Variants in LRP12 observed in about 807,000 individuals in gnomAD.
LRP12 encodes the protein LDL receptor related protein 12, also known as low-density lipoprotein receptor-related protein 12.
LRP12 carries 14 observed loss-of-function variants against 66.0 expected under a neutral mutation model. The observed-to-expected ratio is 0.21, with a 90% CI of 0.14 to 0.33. The LOEUF (loss-of-function observed/expected upper bound fraction) is 0.33, where lower values mean the gene tolerates loss of function less well. Ranked by LOEUF, LRP12 falls within the 10% of genes least tolerant of loss-of-function variation. LRP12 has a pLI of 1.00. For missense variants in LRP12, 889 were observed against 1,053.4 expected, an observed-to-expected ratio of 0.84 and a Z score of 2.16; for synonymous variants, 357 against 359.1, an observed-to-expected ratio of 0.99 and a Z score of 0.07.
rs1564152490 is a variant in LRP12 at position 104,589,022 on chromosome 8, T to A, written c.-125A>T. The A allele has an allele frequency of 1.9e-6, 1 of 536,460 alleles. No individual in the cohort carries two copies. Among genetic ancestry groups the A allele is most frequent in the Non-Finnish European group, 2.9e-6 (1 of 344,904 alleles). 33.2% of individuals were successfully genotyped at this position (536,460 alleles called of 1,614,324 possible). A position where few individuals can be genotyped will look rare whatever the true frequency, so the allele number is the denominator to read the frequency against. On this transcript the variant is annotated 5_prime_UTR_variant, in exon 1 of 7. Coordinates refer to ENST00000276654, the MANE Select transcript of LRP12 (RefSeq NM_013437.5). ...CCGAGCCACCGGCTGCTCCCTGCGC[T>A]CTCCGCGGCTGCGGGAGGGGGAAGG...
chr8:104,585,180 T>G (rs919205508), intron 1 of LRP12, among the ~76,000 whole-genome samples: 2 of 152,358 alleles, frequency 1.3e-5, no homozygotes, highest in Middle Eastern at 3.4e-3. Context: ...CTCTTGAAGT[T>G]TATTGTAAAA....
chr8:104,490,738 C>T lies in LRP12; in HGVS notation c.2515G>A (p.Asp839Asn), dbSNP rs150116835. The stretch of plus-strand genomic sequence containing the variant: ...TTCAGTGTTACTTCTAAGCAAGTGT[C>T]TGGTATCTGGGCAGTGTGGACAATA... The part of the protein sequence containing the change: ...CGIVHTAQIP[D>N]TCLEVTLKNE... Residue 839 changes from aspartate (D) to asparagine (N), a missense_variant, in exon 7 of 7, where the codon GAC becomes AAC. By Grantham distance (23) the Asp-to-Asn change is conservative. Transcript: ENST00000276654. 4.0e-3 allele frequency: 6,491 copies of T among 1,614,036 alleles called. 17 individuals carry two copies. The highest frequency in any genetic ancestry group is 4.8e-3 in the Non-Finnish European group (5,605 of 1,179,996).
rs1455513216 is a variant in LRP12 at position 104,490,446 on chromosome 8, T to C, written c.*227A>G. ...ACAATCAGAAACAAATGAAAGGACA[T>C]TATTGAACAATATGAATATGTGATG... On this transcript the variant is annotated 3_prime_UTR_variant, in exon 7 of 7. Transcript: ENST00000276654. 2.1e-6 allele frequency: 1 copy of C among 485,062 alleles called. No individual in the cohort carries two copies. The highest frequency in any genetic ancestry group is 3.6e-6 in the Non-Finnish European group (1 of 275,748). 30.0% of individuals were successfully genotyped at this position (485,062 alleles called of 1,614,324 possible).
At chr8:104,525,936 C>A (rs187697090) in intron 2 of LRP12, among the ~76,000 whole-genome samples, 1,975 of 152,270 alleles carry the variant, frequency 0.013, 48 homozygotes, top group African/African-American at 0.044. Flanking sequence ...GAAAACCCCA[C>A]TGTCTCAGCC....
At chr8:104,547,729 T>C (rs1278606488) in intron 1 of LRP12, among the ~76,000 whole-genome samples, 1 of 128,272 alleles carries the variant, frequency 7.8e-6, no homozygotes, top group Non-Finnish European at 1.6e-5. Context: ...ATGTTATATT[T>C]TGTATATAAT....
chr8:104,494,033 A>G (rs1424890403), intron 6 of LRP12, among the ~76,000 whole-genome samples: 1 of 152,098 alleles, frequency 6.6e-6, no homozygotes, highest in Admixed American at 6.5e-5. Context: ...TGAATTTGCA[A>G]TTGGTGTTAG....
At chr8:104,498,408 T>C (rs1047341320) in intron 4 of LRP12, among the ~76,000 whole-genome samples, 1 of 80,388 alleles carries the variant, frequency 1.2e-5, no homozygotes, top group African/African-American at 4.9e-5. Flanking sequence ...CCACAATAAA[T>C]CTGGGGCCTG....
intron 1 of LRP12, among the ~76,000 whole-genome samples, chr8:104,553,520 T>A (rs1050664282): frequency 6.6e-6 from 1 of 152,068 alleles, no homozygotes; most frequent in African/African-American, 2.4e-5. Context: ...GCAGCCATAA[T>A]CCTCCTGGGT....
chr8:104,509,091 G>A lies in LRP12; in HGVS notation c.137-17C>T. 1 of 1,609,020 alleles carries A rather than the reference G, an allele frequency of 6.2e-7. No individual in the cohort carries two copies. The highest frequency in any genetic ancestry group is 8.5e-7 in the Non-Finnish European group (1 of 1,177,516). ...CTCCACAAGCTGGAAGATAGCCAAAGCAATCTTTCCTTATTATTACACATT... is the reference window on the plus strand; with the variant it reads ...CTCCACAAGCTGGAAGATAGCCAAAACAATCTTTCCTTATTATTACACATT... On this transcript the variant is annotated splice_polypyrimidine_tract_variant and intron_variant, in intron 2 of 6. Coordinates refer to ENST00000276654, the MANE Select transcript of LRP12 (RefSeq NM_013437.5).
At chr8:104,500,969 T>C (rs1810820611) in intron 3 of LRP12, among the ~76,000 whole-genome samples, 1 of 152,250 alleles carries the variant, frequency 6.6e-6, no homozygotes, top group Non-Finnish European at 1.5e-5. Flanking sequence ...TTTTGCCAAT[T>C]AGGTAGACAA....
chr8:104,508,986 G>T lies in LRP12; in HGVS notation c.225C>A (p.Asn75Lys). 6.2e-7 allele frequency: 1 copy of T among 1,613,836 alleles called. No homozygotes were observed. Residue 75 changes from asparagine to lysine, a missense_variant, in exon 3 of 7, where the codon AAC becomes AAA. Asn to Lys is a moderately conservative substitution (Grantham distance 94, BLOSUM62 0). Around this residue, in one of 3 missense-constraint regions of LRP12, gnomAD observed 800 missense variants for 964.5 expected, o/e 0.83. Coordinates refer to ENST00000276654, the MANE Select transcript of LRP12 (RefSeq NM_013437.5). ...GGTTTGCCCTTATGAACCAGCTACA[G>T]TTGATTTTTGCAGGATATTCAGAAG... ...GWPSEYPAKI[N>K]CSWFIRANPG... is the part of the protein sequence containing the mutation.
At chr8:104,500,140 A>C (rs998309515) in intron 3 of LRP12, among the ~76,000 whole-genome samples, 5 of 152,242 alleles carry the variant, frequency 3.3e-5, no homozygotes, top group Non-Finnish European at 7.3e-5. Flanking sequence ...AGTATAGGCC[A>C]AAAACATCAA....
intron 1 of LRP12, among the ~76,000 whole-genome samples, chr8:104,537,810 TA>T (rs1446411408): frequency 2.6e-5 from 4 of 152,094 alleles, no homozygotes; most frequent in Non-Finnish European, 4.4e-5. Flanking sequence ...GTAAAAGAAG[TA>T]ACACAAAAGT....
In LRP12 at chr8:104,589,015, C is replaced by A. The variant is rs1302958928; in HGVS notation, c.-118G>T. ...GCCGCCGCCGAGCCACCGGCTGCTC[C>A]CTGCGCTCTCCGCGGCTGCGGGAGG... is the stretch of plus-strand genomic sequence containing the variant. On this transcript the variant is annotated 5_prime_UTR_variant, in exon 1 of 7. Transcript: ENST00000276654. The A allele has an allele frequency of 2.8e-5, 17 of 611,928 alleles. No homozygotes were observed. In the South Asian group the frequency reaches 5.9e-4, roughly 21 times the overall value. 37.9% of individuals were successfully genotyped at this position (611,928 alleles called of 1,614,324 possible). A position where few individuals can be genotyped will look rare whatever the true frequency, so the allele number is the denominator to read the frequency against.
chr8:104,576,920 G>C (rs1167258266), intron 1 of LRP12, among the ~76,000 whole-genome samples: 1 of 151,894 alleles, frequency 6.6e-6, no homozygotes, highest in East Asian at 1.9e-4. Context: ...AATCTACCAA[G>C]CAAATGGAAA....
At chr8:104,551,537 T>TC (rs1490683508) in intron 1 of LRP12, among the ~76,000 whole-genome samples, 1 of 152,082 alleles carries the variant, frequency 6.6e-6, no homozygotes, top group Admixed American at 6.6e-5. Context: ...CCTCTAGTAG[T>TC]CCCCAGTGTC....
chr8:104,557,553 T>C (rs1421325220), intron 1 of LRP12, among the ~76,000 whole-genome samples: 1 of 150,260 alleles, frequency 6.7e-6, no homozygotes, highest in African/African-American at 2.4e-5. Context: ...ATTAGGAATA[T>C]ACCTAACCAA....
intron 1 of LRP12, among the ~76,000 whole-genome samples, chr8:104,569,063 C>A (rs779849029): frequency 2.0e-4 from 31 of 151,834 alleles, no homozygotes; most frequent in Non-Finnish European, 3.4e-4. Flanking sequence ...AGTAGAATAT[C>A]CATACAATGG....
In LRP12 at chr8:104,548,938, A is replaced by AAAATAAATAAAT. The variant is rs558517655; in HGVS notation, c.80-16987_80-16976dup. Among the ~76,000 whole-genome samples, 359 of 151,390 alleles carry AAAATAAATAAAT rather than the reference A, an allele frequency of 2.4e-3. 1 individual carries two copies. The highest frequency in any genetic ancestry group is 8.2e-3 in the African/African-American group (335 of 41,006). ...GGACAACAAGAGCAAAACTCCGTCA[A>AAAATAAATAAAT]AAATAAATAAATAAATAAATAAATA... is the stretch of plus-strand genomic sequence containing the variant. On this transcript the variant is annotated intron_variant, in intron 1 of 6. Coordinates refer to ENST00000276654, the MANE Select transcript of LRP12 (RefSeq NM_013437.5).
Sources: allele counts gnomAD v4.1 joint callset (sites outside exome capture counted in the v4.1 genomes callset), GRCh38; gene constraint gnomAD v4.1.1; regional missense constraint gnomAD v4.1.1; transcripts MANE v1.5; gene names NCBI Gene and HGNC (gene_info 2026-07-23, HGNC 2026-07-21).